Variants in AGXT2 observed in about 807,000 individuals in gnomAD.
The protein encoded by AGXT2 is alanine--glyoxylate aminotransferase 2, mitochondrial.
A neutral mutation model predicts 62.5 loss-of-function variants in AGXT2; 61 were observed. That is an observed-to-expected ratio of 0.98 (90% CI 0.79 to 1.21). The LOEUF (loss-of-function observed/expected upper bound fraction) is 1.21, where lower values mean the gene tolerates loss of function less well. Ranked by LOEUF, AGXT2 falls within the 50% of genes most tolerant of loss-of-function variation. The pLI is 0.00. For missense variants in AGXT2, 666 were observed against 641.5 expected (o/e 1.04, Z -0.41); for synonymous variants, 243 against 218.7 (o/e 1.11, Z -0.98).
chr5:35,036,866 T>C, intron 4 of AGXT2, 76 bp downstream of exon 4: 1 of 1,603,212 alleles, frequency 6.2e-7, no homozygotes, highest in Non-Finnish European at 8.5e-7. Context: ...ATAAGACTCC[T>C]GTCTCTTTGA....
intron 11 of AGXT2, among the ~76,000 whole-genome samples, chr5:35,010,766 G>A (rs1766610452): frequency 6.6e-6 from 1 of 152,158 alleles, no homozygotes; most frequent in African/African-American, 2.4e-5. Flanking sequence ...AAATCCCAAG[G>A]CTTGTTATTG....
rs543328481 is a variant in AGXT2 at position 35,024,798 on chromosome 5, A to G, written c.963+965T>C. Among the ~76,000 whole-genome samples, 77 of 152,024 alleles carry G rather than the reference A, an allele frequency of 5.1e-4. 1 individual carries two copies. Among genetic ancestry groups the G allele is most frequent in the African/African-American group, 1.7e-3 (71 of 41,462 alleles). On this transcript the variant is annotated intron_variant, in intron 9 of 13. Transcript: ENST00000231420. ...AGCCTGACCAACACGGAGAAACCCC[A>G]GTCTCTACTAAAAAATACAAAACTA...
At chr5:35,003,687 A>G (rs1383630129) in intron 13 of AGXT2, 76 bp downstream of exon 13, 1 of 1,392,130 alleles carries the variant, frequency 7.2e-7, no homozygotes, top group Non-Finnish European at 1.0e-6. Flanking sequence ...ACAGCTGTGA[A>G]GAAACTGTGA....
intron 12 of AGXT2, among the ~76,000 whole-genome samples, chr5:35,005,093 A>G (rs1766373330): frequency 6.6e-6 from 1 of 152,214 alleles, no homozygotes; most frequent in Non-Finnish European, 1.5e-5. Flanking sequence ...ACTGATTGGA[A>G]AGAGACAATG....
intron 12 of AGXT2, 73 bp from the exon 13 acceptor site, chr5:35,003,934 A>G (rs1188517840): frequency 6.8e-7 from 1 of 1,465,410 alleles, no homozygotes; most frequent in Non-Finnish European, 9.5e-7. Flanking sequence ...AAGAGAGGAA[A>G]AAAGAAAAAC....
chr5:35,017,775 A>C (rs1463375996), intron 9 of AGXT2, among the ~76,000 whole-genome samples: 1 of 152,222 alleles, frequency 6.6e-6, no homozygotes, highest in African/African-American at 2.4e-5. Flanking sequence ...AAATTACTCC[A>C]AGCTATGAGA....
intron 9 of AGXT2, among the ~76,000 whole-genome samples, chr5:35,020,660 G>A (rs1041820782): frequency 1.3e-5 from 2 of 152,204 alleles, no homozygotes; most frequent in Non-Finnish European, 2.9e-5. Flanking sequence ...TTGAAAACTG[G>A]CATAAGACAG....
chr5:35,030,719 G>A (rs1767533056), intron 7 of AGXT2, among the ~76,000 whole-genome samples: 1 of 152,148 alleles, frequency 6.6e-6, no homozygotes, highest in Non-Finnish European at 1.5e-5. Flanking sequence ...TGTGGAAAGA[G>A]GAACATATAG....
chr5:35,035,109 A>G, intron 5 of AGXT2, 113 bp downstream of exon 5: 2 of 951,476 alleles, frequency 2.1e-6, no homozygotes, highest in East Asian at 2.4e-5. Flanking sequence ...TAACAACTAG[A>G]AAAATATCCC....
chr5:35,002,484 C>T (rs556990383), intron 13 of AGXT2, among the ~76,000 whole-genome samples: 2 of 152,242 alleles, frequency 1.3e-5, no homozygotes, highest in African/African-American at 4.8e-5. Flanking sequence ...GTGCCTCTAC[C>T]CCTTGAATTC....
At chr5:35,026,030 ATGACTTCTGG>A in intron 8 of AGXT2, 175 bp from the exon 9 acceptor site, 1 of 650,026 alleles carries the variant, frequency 1.5e-6, no homozygotes, top group Admixed American at 2.6e-5. Flanking sequence ...ACTCTATACC[ATGACTTCTGG>A]AAAAAAGATG....
At chr5:35,002,826 G>A (rs1580566348) in intron 13 of AGXT2, among the ~76,000 whole-genome samples, 1 of 152,236 alleles carries the variant, frequency 6.6e-6, no homozygotes, top group East Asian at 1.9e-4. Flanking sequence ...GGACCGATGA[G>A]TTTATATAGA....
intron 3 of AGXT2, among the ~76,000 whole-genome samples, chr5:35,038,695 A>G (rs1423345094): frequency 6.6e-6 from 1 of 152,156 alleles, no homozygotes; most frequent in East Asian, 1.9e-4. Flanking sequence ...GTGAGGTTGC[A>G]TTGGTCAGAT....
intron 7 of AGXT2, among the ~76,000 whole-genome samples, chr5:35,028,593 GAGAGAGAGAGAGAGAGAGAGAGAGAGAAA>G (rs1368693280): frequency 4.0e-4 from 60 of 149,614 alleles, no homozygotes; most frequent in African/African-American, 5.2e-4. Flanking sequence ...GAGAGAGAGA[GAGAGAGAGAGAGAGAGAGAGAGAGAGAAA>G]TTCTTCTACT....
intron 1 of AGXT2, among the ~76,000 whole-genome samples, chr5:35,043,562 T>G (rs2112297266): frequency 6.6e-6 from 1 of 152,290 alleles, no homozygotes; most frequent in South Asian, 2.1e-4. Context: ...AGACAGGATC[T>G]CCTTCTGTCA....
Position 35,027,991 on chromosome 5 carries a change from T to C in AGXT2, c.770-1481A>G, listed in dbSNP as rs538158906. On this transcript the variant is annotated intron_variant, in intron 7 of 13. Coordinates refer to ENST00000231420, the MANE Select transcript of AGXT2 (RefSeq NM_031900.4). ...ATTCTAGTTGACCCATGGATGAAGA[T>C]GTGGCCTCTTGGGGGCTCCAGCTTT... Among the ~76,000 whole-genome samples the C allele has an allele frequency of 9.9e-5, 15 of 151,790 alleles. No homozygotes were observed. In the East Asian group the frequency reaches 2.7e-3, roughly 28 times the overall value.
At chr5:35,010,880 C>T (rs1030003693) in intron 11 of AGXT2, among the ~76,000 whole-genome samples, 1 of 152,142 alleles carries the variant, frequency 6.6e-6, no homozygotes, top group Admixed American at 6.5e-5. Flanking sequence ...GACCTTTGCT[C>T]AGCAGGCCTC....
intron 9 of AGXT2, among the ~76,000 whole-genome samples, chr5:35,020,986 GAATAA>G (rs1767055430): frequency 6.6e-6 from 1 of 152,134 alleles, no homozygotes; most frequent in African/African-American, 2.4e-5. Context: ...GCTTCAAAGA[GAATAA>G]AATACCTAGG....
Position 35,032,811 on chromosome 5 carries a change from A to C in AGXT2, c.690T>G (p.Asp230Glu), listed in dbSNP as rs879124689. 1.9e-6 allele frequency: 3 copies of C among 1,604,892 alleles called. No homozygotes were observed. In the South Asian group the frequency reaches 3.4e-5, roughly 18 times the overall value. Reference protein sequence around the residue: ...GTGCQPTMCPDVFRGPWGGSH... With the variant: ...GTGCQPTMCPEVFRGPWGGSH... ...TTCCTCCCCAAGGGCCACGAAAAAC[A>C]TCTGGACACATTGTCTGCAAATGAC... Residue 230 changes from aspartate (D) to glutamate (E), a missense_variant, in exon 7 of 14, where the codon GAT (aspartate) becomes GAG (glutamate). Coordinates refer to ENST00000231420, the MANE Select transcript of AGXT2 (RefSeq NM_031900.4).
Sources: allele counts gnomAD v4.1 joint callset (sites outside exome capture counted in the v4.1 genomes callset), GRCh38; gene constraint gnomAD v4.1.1; transcripts MANE v1.5; gene names NCBI Gene and HGNC (gene_info 2026-07-23, HGNC 2026-07-21).